PTGDR: variants seen among roughly 807,000 people sequenced by gnomAD.
PTGDR encodes the protein PGD2 receptor.
PTGDR carries 19 observed loss-of-function variants against 17.4 expected under a neutral mutation model. The observed-to-expected ratio is 1.09, with a 90% CI of 0.76 to 1.60. The LOEUF (loss-of-function observed/expected upper bound fraction) is 1.60, where lower values mean the gene tolerates loss of function less well. Ranked by LOEUF, PTGDR falls within the 40% of genes most tolerant of loss-of-function variation. The pLI, the probability that PTGDR is intolerant of heterozygous loss-of-function variation, is 0.00. For synonymous variants in PTGDR, 267 were observed against 224.2 expected, an observed-to-expected ratio of 1.19 and a Z score of -1.71; for missense variants, 526 against 481.9, an observed-to-expected ratio of 1.09 and a Z score of -0.86.
Position 52,274,766 on chromosome 14 carries a change from G to A in PTGDR, c.882G>A (p.Lys294=). Residue 294 remains lysine, a synonymous_variant, in exon 2 of 2, where the codon AAG becomes AAA. Transcript: ENST00000306051. ...ACTATGGAGCATTTAAGGATGTCAA[G>A]GAGAAAAACAGGACCTCTGAAGAAG... ...RAYYGAFKDV[K]EKNRTSEEAE... 1 of 1,613,452 alleles carries A rather than the reference G, an allele frequency of 6.2e-7. No individual in the cohort carries two copies. The highest frequency in any genetic ancestry group is 8.5e-7 in the Non-Finnish European group (1 of 1,179,394).
chr14:52,277,604 T>C (rs1410423940), downstream of PTGDR, among the ~76,000 whole-genome samples: 2 of 152,202 alleles, frequency 1.3e-5, no homozygotes, highest in Admixed American at 1.3e-4. Context: ...CAACAGTGTA[T>C]CAAGAACCTA....
intron 1 of PTGDR, among the ~76,000 whole-genome samples, chr14:52,270,259 T>A (rs1278000434): frequency 6.6e-6 from 1 of 152,096 alleles, no homozygotes; most frequent in Non-Finnish European, 1.5e-5. Context: ...ACAAAAAAAT[T>A]GTACTCAGCC....
At position 52,275,066 on chromosome 14, in the gene PTGDR, A is replaced by T. The variant is rs1444521289; in HGVS notation, c.*102A>T. 2 of 926,050 alleles carry T rather than the reference A, an allele frequency of 2.2e-6. No homozygotes were observed. The highest frequency in any genetic ancestry group is 3.2e-6 in the Non-Finnish European group (2 of 624,954). 57.4% of individuals were successfully genotyped at this position (926,050 alleles called of 1,614,324 possible). A position where few individuals can be genotyped will look rare whatever the true frequency, so the allele number is the denominator to read the frequency against. On this transcript the variant is annotated 3_prime_UTR_variant, in exon 2 of 2. Coordinates refer to ENST00000306051, the MANE Select transcript of PTGDR (RefSeq NM_000953.3). Reference sequence around the variant, plus strand: ...ACAACTTACAATTTAAATCCTTAAAAGTTACCTCCCATAACAAAAGCATGT... The same window carrying T: ...ACAACTTACAATTTAAATCCTTAAATGTTACCTCCCATAACAAAAGCATGT...
downstream of PTGDR, among the ~76,000 whole-genome samples, chr14:52,279,967 T>C (rs968221609): frequency 3.3e-5 from 5 of 151,894 alleles, no homozygotes; most frequent in African/African-American, 1.2e-4. Context: ...AAGCATAGGG[T>C]CCTATGATGA....
intron 1 of PTGDR, chr14:52,269,529 C>A (rs1251953415): frequency 6.5e-7 from 1 of 1,534,216 alleles, no homozygotes; most frequent in South Asian, 1.2e-5. Context: ...CTGCTCCTCT[C>A]CTTTCTCCCA....
rs778673115 is a variant in PTGDR, at chr14:52,268,640, A to G, written c.826A>G (p.Met276Val). Residue 276 changes from methionine to valine, a missense_variant, in exon 1 of 2, where the codon ATG becomes GTG. Physicochemically the swap from Met to Val is conservative, Grantham distance 21. Transcript: ENST00000306051. ...LLALMTVLFT[M>V]CSLPVIYRAY... ...GGCGCTGATGACCGTGCTCTTCACT[A>G]TGTGTTCTCTGCCCGTAATTGTGAG... is the stretch of plus-strand genomic sequence containing the variant. 8 of 1,585,360 alleles carry G rather than the reference A, an allele frequency of 5.0e-6. No individual in the cohort carries two copies. The highest frequency in any genetic ancestry group is 3.4e-4 in the Middle Eastern group (2 of 5,922).
At chr14:52,278,506 T>C (rs1037800810), downstream of PTGDR, among the ~76,000 whole-genome samples, 1 of 152,084 alleles carries the variant, frequency 6.6e-6, no homozygotes, top group East Asian at 1.9e-4. Flanking sequence ...TTAGGAGATA[T>C]ACCTAATGTA....
chr14:52,279,853 G>A (rs1241730530), downstream of PTGDR, among the ~76,000 whole-genome samples: 1 of 150,470 alleles, frequency 6.6e-6, no homozygotes, highest in Non-Finnish European at 1.5e-5. Context: ...AAAAATACAG[G>A]GAGAAGATAT....
downstream of PTGDR, among the ~76,000 whole-genome samples, chr14:52,280,018 A>G (rs2033470267): frequency 6.6e-6 from 1 of 152,204 alleles, no homozygotes; most frequent in African/African-American, 2.4e-5. Flanking sequence ...TTGGAAACAC[A>G]GGACAAACTA....
At chr14:52,273,300 A>C (rs951424919) in intron 1 of PTGDR, among the ~76,000 whole-genome samples, 1 of 152,200 alleles carries the variant, frequency 6.6e-6, no homozygotes, top group African/African-American at 2.4e-5. Context: ...GGCGTGAGCC[A>C]CCGTGCCCGG....
At chr14:52,269,854 A>G (rs2033291971) in intron 1 of PTGDR, among the ~76,000 whole-genome samples, 1 of 152,230 alleles carries the variant, frequency 6.6e-6, no homozygotes, top group Non-Finnish European at 1.5e-5. Flanking sequence ...GATGACATAT[A>G]GCAGTGGTCT....
Position 52,275,301 on chromosome 14 carries a change from A to G in PTGDR, c.*337A>G. On this transcript the variant is annotated 3_prime_UTR_variant, in exon 2 of 2. Coordinates refer to ENST00000306051, the MANE Select transcript of PTGDR (RefSeq NM_000953.3). ...TTTTTTTTTTTAGAGAGGCCTTGAG[A>G]CATACAGGTCTTTTAAAATACAGTA... 1 of 208,348 alleles carries G rather than the reference A, an allele frequency of 4.8e-6. No individual in the cohort carries two copies. The highest frequency in any genetic ancestry group is 1.2e-4 in the East Asian group (1 of 8,462). 12.9% of individuals were successfully genotyped at this position (208,348 alleles called of 1,614,324 possible).
rs2033404337 is a variant in PTGDR, at chr14:52,275,335, A to G, written c.*371A>G. ...TCTTTTAAAATACAGTAGAAACACC[A>G]CTGTTTACGATTATACGATGGACAT... On this transcript the variant is annotated 3_prime_UTR_variant, in exon 2 of 2. Coordinates refer to ENST00000306051, the MANE Select transcript of PTGDR (RefSeq NM_000953.3). The G allele has an allele frequency of 5.6e-6, 1 of 178,656 alleles. No individual in the cohort carries two copies. The highest frequency in any genetic ancestry group is 1.2e-5 in the Non-Finnish European group (1 of 84,056). 11.1% of individuals were successfully genotyped at this position (178,656 alleles called of 1,614,324 possible).
intron 1 of PTGDR, chr14:52,269,334 G>T: frequency 1.2e-6 from 1 of 823,864 alleles, no homozygotes; most frequent in South Asian, 1.6e-5. Context: ...TTGACAACCT[G>T]ACTTGACGGG....
rs201759175 is a variant in PTGDR at position 52,267,873 on chromosome 14, C to T, written c.59C>T (p.Ala20Val). ...NTTSVEKGNSAVMGGVLFSTG... is the reference protein window; with the variant it reads ...NTTSVEKGNSVVMGGVLFSTG... Reference sequence around the variant, plus strand: ...ACCTCTGTGGAAAAAGGCAACTCGGCGGTGATGGGCGGGGTGCTCTTCAGC... The same window carrying T: ...ACCTCTGTGGAAAAAGGCAACTCGGTGGTGATGGGCGGGGTGCTCTTCAGC... The change falls in exon 1 of 2, where the codon GCG becomes GTG. Residue 20 changes from alanine to valine, a missense_variant. Transcript: ENST00000306051. 39 of 1,601,734 alleles carry T rather than the reference C, an allele frequency of 2.4e-5. No individual in the cohort carries two copies. The highest frequency in any genetic ancestry group is 1.4e-5 in the Non-Finnish European group (17 of 1,173,460).
chr14:52,279,551 T>A (rs1566486118), downstream of PTGDR, among the ~76,000 whole-genome samples: 1 of 152,170 alleles, frequency 6.6e-6, no homozygotes, highest in Non-Finnish European at 1.5e-5. Context: ...AGACTCTAGG[T>A]GGAGGAAAGC....
chr14:52,280,077 T>C (rs1171561748), downstream of PTGDR, among the ~76,000 whole-genome samples: 1 of 152,142 alleles, frequency 6.6e-6, no homozygotes, highest in Non-Finnish European at 1.5e-5. Flanking sequence ...AGTACTAAAG[T>C]ATGAGTTATA....
At chr14:52,274,521 T>G (rs2033382359) in intron 1 of PTGDR, among the ~76,000 whole-genome samples, 1 of 152,176 alleles carries the variant, frequency 6.6e-6, no homozygotes, top group African/African-American at 2.4e-5. Flanking sequence ...CTCAGCTTCC[T>G]TCCCACCTCC....
At chr14:52,272,563 T>C (rs560381428) in intron 1 of PTGDR, among the ~76,000 whole-genome samples, 1 of 152,128 alleles carries the variant, frequency 6.6e-6, no homozygotes, top group Non-Finnish European at 1.5e-5. Flanking sequence ...TTGGGAGTCA[T>C]TGAAATAATG....
Sources: gnomAD v4.1 joint callset for allele counts (sites outside exome capture counted in the v4.1 genomes callset) on GRCh38, gnomAD v4.1.1 for gene constraint, MANE v1.5 for transcripts, NCBI Gene and HGNC (gene_info 2026-07-23, HGNC 2026-07-21) for gene names.